Variants in LIN7A observed in about 807,000 individuals in gnomAD.
LIN7A encodes the protein protein lin-7 homolog A.
A neutral mutation model predicts 29.8 loss-of-function variants in LIN7A; 25 were observed. The ratio of observed to expected loss-of-function variants is 0.84; its 90% confidence interval spans 0.61 to 1.17. LIN7A has a LOEUF of 1.17. Ranked by LOEUF, LIN7A falls within the 50% of genes most tolerant of loss-of-function variation. The probability of loss-of-function intolerance (pLI) is 0.00; values close to 1 mark genes in which losing one functional copy is unlikely to be tolerated. For synonymous variants in LIN7A, 118 were observed against 107.5 expected (o/e 1.10, Z -0.60); for missense variants, 239 against 287.0 (o/e 0.83, Z 1.21).
chr12:80,898,177 A>G (rs1294714306), intron 1 of LIN7A, among the ~76,000 whole-genome samples: 4 of 152,186 alleles, frequency 2.6e-5, no homozygotes, highest in Non-Finnish European at 5.9e-5. Flanking sequence ...TTCAGTTGCA[A>G]TCTTCTGCAT....
chr12:80,880,010 T>C (rs772733518), intron 2 of LIN7A, among the ~76,000 whole-genome samples: 1 of 152,232 alleles, frequency 6.6e-6, no homozygotes, highest in Non-Finnish European at 1.5e-5. Flanking sequence ...CAATTTTATG[T>C]AGTCTAAGCA....
intron 1 of LIN7A, among the ~76,000 whole-genome samples, chr12:80,917,510 A>AAAATGGTATTATTTTTAAATAC (rs1877086610): frequency 6.6e-6 from 1 of 152,240 alleles, no homozygotes; most frequent in Admixed American, 6.5e-5. Context: ...TTCTGTGAGT[A>AAAATGGTATTATTTTTAAATAC]CATAAAAATG....
intron 4 of LIN7A, among the ~76,000 whole-genome samples, chr12:80,836,074 T>C (rs991608027): frequency 3.3e-5 from 5 of 152,248 alleles, no homozygotes; most frequent in African/African-American, 4.8e-5. Context: ...ACTCTTGGCA[T>C]ATCATCAGAT....
At chr12:80,887,114 T>C (rs142588636) in intron 2 of LIN7A, among the ~76,000 whole-genome samples, 2 of 152,232 alleles carry the variant, frequency 1.3e-5, no homozygotes, top group Non-Finnish European at 2.9e-5. Flanking sequence ...AAACCTAAGA[T>C]TCAATAGAGT....
intron 1 of LIN7A, among the ~76,000 whole-genome samples, chr12:80,932,790 G>T (rs1232442233): frequency 6.6e-6 from 1 of 152,138 alleles, no homozygotes; most frequent in African/African-American, 2.4e-5. Flanking sequence ...AAATCCATGC[G>T]GTCTTTAATT....
At chr12:80,835,493 T>C (rs918657716) in intron 4 of LIN7A, among the ~76,000 whole-genome samples, 10 of 152,120 alleles carry the variant, frequency 6.6e-5, no homozygotes, top group African/African-American at 2.4e-4. Context: ...ACTTTTATTG[T>C]CTCTTGAAGA....
chr12:80,885,921 G>A (rs769950374), intron 2 of LIN7A, among the ~76,000 whole-genome samples: 1 of 152,066 alleles, frequency 6.6e-6, no homozygotes, highest in South Asian at 2.1e-4. Flanking sequence ...TTACACTTAT[G>A]TAAGGCAATA....
chr12:80,928,341 C>T (rs907815394), intron 1 of LIN7A, among the ~76,000 whole-genome samples: 2 of 152,080 alleles, frequency 1.3e-5, no homozygotes, highest in Admixed American at 6.6e-5. Context: ...AAAAGTGTTC[C>T]TATTTCTCCA....
chr12:80,804,828 A>G (rs950593217), intron 5 of LIN7A, among the ~76,000 whole-genome samples: 1 of 152,110 alleles, frequency 6.6e-6, no homozygotes, highest in Non-Finnish European at 1.5e-5. Context: ...TATTGGGATT[A>G]CAGGTGTGAG....
At chr12:80,825,057 G>T (rs1163553703) in intron 4 of LIN7A, among the ~76,000 whole-genome samples, 1 of 152,184 alleles carries the variant, frequency 6.6e-6, no homozygotes, top group Non-Finnish European at 1.5e-5. Flanking sequence ...CAGTCAAGAG[G>T]AGCTCAAACT....
At chr12:80,891,331 G>C (rs1466804454) in intron 1 of LIN7A, among the ~76,000 whole-genome samples, 12 of 152,124 alleles carry the variant, frequency 7.9e-5, no homozygotes, top group Admixed American at 7.9e-4. Flanking sequence ...ATTCCCTACA[G>C]AGTAAAGTTC....
chr12:80,794,057 A>G lies in LIN7A; in HGVS notation c.*3670T>C, dbSNP rs1021685055. 1 of 150,546 alleles carries G rather than the reference A, an allele frequency of 6.6e-6. No homozygotes were observed. The highest frequency in any genetic ancestry group is 6.6e-5 in the Admixed American group (1 of 15,252). 9.3% of individuals were successfully genotyped at this position (150,546 alleles called of 1,614,324 possible). On this transcript the variant is annotated 3_prime_UTR_variant, in exon 6 of 6. Transcript: ENST00000552864. ...AAATTTCAAATTCATACATCTAAAAAGTTTTTATATAGACTCAAAATATGG... is the reference window on the plus strand; with the variant it reads ...AAATTTCAAATTCATACATCTAAAAGGTTTTTATATAGACTCAAAATATGG...
intron 5 of LIN7A, among the ~76,000 whole-genome samples, chr12:80,803,218 T>A (rs1302284489): frequency 6.6e-6 from 1 of 152,188 alleles, no homozygotes; most frequent in Non-Finnish European, 1.5e-5. Flanking sequence ...AAACCAATGT[T>A]GTGGAGCGTT....
intron 1 of LIN7A, among the ~76,000 whole-genome samples, chr12:80,934,473 T>C (rs1472892080): frequency 6.6e-6 from 1 of 152,222 alleles, no homozygotes; most frequent in East Asian, 1.9e-4. Context: ...GGGCCCAGCC[T>C]AGACCTTGAA....
chr12:80,899,743 T>C lies in LIN7A; in HGVS notation c.83-10374A>G, dbSNP rs555404283. ...TGTATATTTCTAGGAATTTATCCAT[T>C]TCCTCTAGGTTTTCTTTTTTTCTTT... On this transcript the variant is annotated intron_variant, in intron 1 of 5. Coordinates refer to ENST00000552864, the MANE Select transcript of LIN7A (RefSeq NM_004664.4). Among the ~76,000 whole-genome samples the C allele has an allele frequency of 2.0e-5, 3 of 150,598 alleles. No individual in the cohort carries two copies. In the South Asian group the frequency reaches 6.3e-4, roughly 32 times the overall value.
intron 2 of LIN7A, among the ~76,000 whole-genome samples, chr12:80,878,654 C>T (rs1038199912): frequency 6.6e-6 from 1 of 152,140 alleles, no homozygotes; most frequent in Admixed American, 6.5e-5. Flanking sequence ...GCTTTTATTC[C>T]CTTATTTGTC....
intron 3 of LIN7A, 137 bp downstream of exon 3, chr12:80,848,114 G>A (rs1873161131): frequency 1.4e-6 from 1 of 717,560 alleles, no homozygotes. Context: ...AAGTAGTACT[G>A]GTTCTAGACT....
chr12:80,833,522 A>G (rs1872471906), intron 4 of LIN7A, among the ~76,000 whole-genome samples: 1 of 152,182 alleles, frequency 6.6e-6, no homozygotes, highest in Admixed American at 6.5e-5. Flanking sequence ...CTATGCCCAC[A>G]TGTTGGCAAT....
chr12:80,858,314 C>A (rs1287766436), intron 2 of LIN7A, among the ~76,000 whole-genome samples: 2 of 152,086 alleles, frequency 1.3e-5, no homozygotes, highest in African/African-American at 4.8e-5. Context: ...TGCTATTAAT[C>A]TTAATTTCCC....
Sources: gnomAD v4.1 joint callset for allele counts (sites outside exome capture counted in the v4.1 genomes callset) on GRCh38, gnomAD v4.1.1 for gene constraint, MANE v1.5 for transcripts, NCBI Gene and HGNC (gene_info 2026-07-23, HGNC 2026-07-21) for gene names.